DSCAM: variants seen among roughly 807,000 people sequenced by gnomAD.
DSCAM encodes DS cell adhesion molecule.
A neutral mutation model predicts 217.7 loss-of-function variants in DSCAM; 47 were observed. The ratio of observed to expected loss-of-function variants is 0.22; its 90% CI spans 0.17 to 0.28. The LOEUF (loss-of-function observed/expected upper bound fraction) is 0.28, where lower values mean the gene tolerates loss of function less well. Among genes scored for constraint, DSCAM ranks in the 10% least tolerant of loss-of-function variants. DSCAM has a pLI of 1.00. For missense variants in DSCAM, 2,080 were observed against 2,618.3 expected (o/e 0.79, Z 4.49); for synonymous variants, 1,056 against 1,015.3 (o/e 1.04, Z -0.76).
chr21:40,780,423 G>GTATATATATATATATATATATGTA (rs2091532137), intron 1 of DSCAM, among the ~76,000 whole-genome samples: 2 of 56,436 alleles, frequency 3.5e-5, no homozygotes, highest in African/African-American at 1.5e-4. Context: ...GTGTGTGTGT[G>GTATATATATATATATATATATGTA]TATATATATA....
intron 3 of DSCAM, among the ~76,000 whole-genome samples, chr21:40,559,786 C>G (rs148877267): frequency 9.1e-6 from 1 of 109,410 alleles, no homozygotes; most frequent in Admixed American, 1.0e-4. Context: ...AATTTTCTGT[C>G]TTTTTTTTTT....
chr21:40,385,693 C>T (rs2075077422), intron 3 of DSCAM, among the ~76,000 whole-genome samples: 1 of 152,134 alleles, frequency 6.6e-6, no homozygotes. Context: ...CTCACATGAC[C>T]ACTGCAGACA....
chr21:40,766,122 G>T (rs2091386074), intron 1 of DSCAM, among the ~76,000 whole-genome samples: 1 of 152,072 alleles, frequency 6.6e-6, no homozygotes, highest in Non-Finnish European at 1.5e-5. Flanking sequence ...CCTCCTCTCA[G>T]CTCCGTCAAC....
chr21:40,824,973 G>T (rs1331606874), intron 1 of DSCAM, among the ~76,000 whole-genome samples: 2 of 152,206 alleles, frequency 1.3e-5, no homozygotes, highest in Non-Finnish European at 2.9e-5. Context: ...AGCTTTCTCT[G>T]TATGTCCGAC....
intron 19 of DSCAM, among the ~76,000 whole-genome samples, chr21:40,132,304 C>T (rs1414543526): frequency 1.3e-5 from 2 of 152,182 alleles, no homozygotes; most frequent in Admixed American, 6.5e-5. Flanking sequence ...AGTTCAGAGA[C>T]ACTTAGGTAA....
intron 1 of DSCAM, among the ~76,000 whole-genome samples, chr21:40,731,848 C>T (rs992377335): frequency 1.7e-4 from 26 of 151,602 alleles, no homozygotes; most frequent in Admixed American, 3.9e-4. Context: ...CCTGCCTCAG[C>T]CTCCTGAGCA....
chr21:40,825,095 G>A (rs534415781), intron 1 of DSCAM, among the ~76,000 whole-genome samples: 10 of 152,026 alleles, frequency 6.6e-5, no homozygotes, highest in East Asian at 1.9e-4. Context: ...TTGCACAGTC[G>A]TTAATATAGT....
At chr21:40,519,166 T>C (rs2076338919) in intron 3 of DSCAM, among the ~76,000 whole-genome samples, 1 of 152,162 alleles carries the variant, frequency 6.6e-6, no homozygotes, top group African/African-American at 2.4e-5. Context: ...TAGCCCTTTA[T>C]TTTACTCTTC....
intron 3 of DSCAM, among the ~76,000 whole-genome samples, chr21:40,379,682 C>T (rs1055948363): frequency 6.6e-6 from 1 of 152,148 alleles, no homozygotes; most frequent in Admixed American, 6.5e-5. Context: ...TCTCTGAAGA[C>T]AAAGGGATCC....
chr21:40,395,030 T>C (rs1466066296), intron 3 of DSCAM, among the ~76,000 whole-genome samples: 5 of 152,214 alleles, frequency 3.3e-5, no homozygotes, highest in Admixed American at 2.0e-4. Context: ...TCAAACAATG[T>C]CGTTTGATAC....
intron 19 of DSCAM, among the ~76,000 whole-genome samples, chr21:40,131,607 T>C (rs2090155124): frequency 6.6e-6 from 1 of 152,290 alleles, no homozygotes; most frequent in African/African-American, 2.4e-5. Flanking sequence ...GCATTTTTAG[T>C]AGAGACAGGG....
intron 1 of DSCAM, among the ~76,000 whole-genome samples, chr21:40,812,821 G>GA (rs2091850350): frequency 6.6e-6 from 1 of 152,138 alleles, no homozygotes; most frequent in South Asian, 2.1e-4. Context: ...ACAGAGACTA[G>GA]AAAAATAAAA....
intron 11 of DSCAM, among the ~76,000 whole-genome samples, chr21:40,250,769 G>A (rs1601484958): frequency 1.3e-5 from 2 of 152,322 alleles, no homozygotes; most frequent in East Asian, 3.9e-4. Context: ...TTACTGACAT[G>A]TTCATGTTCA....
At chr21:40,759,984 TTTATTTA>T in intron 1 of DSCAM, among the ~76,000 whole-genome samples, 1 of 149,396 alleles carries the variant, frequency 6.7e-6, no homozygotes, top group Non-Finnish European at 1.5e-5. Flanking sequence ...TATTTATTTA[TTTATTTA>T]TTTATTTATT....
At chr21:40,050,072 AC>A (rs1447688804) in intron 30 of DSCAM, among the ~76,000 whole-genome samples, 3 of 152,054 alleles carry the variant, frequency 2.0e-5, no homozygotes, top group Non-Finnish European at 2.9e-5. Flanking sequence ...AACATTTCTA[AC>A]CCTTGGGGCA....
intron 3 of DSCAM, among the ~76,000 whole-genome samples, chr21:40,553,476 A>G (rs1357053580): frequency 6.6e-6 from 1 of 152,264 alleles, no homozygotes; most frequent in Non-Finnish European, 1.5e-5. Context: ...TGTACAGGAC[A>G]CATCCCAAGG....
chr21:40,614,564 C>T (rs1386559771), intron 3 of DSCAM, among the ~76,000 whole-genome samples: 6 of 152,042 alleles, frequency 3.9e-5, no homozygotes, highest in Non-Finnish European at 5.9e-5. Flanking sequence ...AAAATGTGCT[C>T]ACTCTTTGGT....
At chr21:40,133,722 G>T in intron 19 of DSCAM, 132 bp downstream of exon 19, 1 of 1,043,974 alleles carries the variant, frequency 9.6e-7, no homozygotes, top group Non-Finnish European at 1.3e-6. Flanking sequence ...GAATTGCACT[G>T]GGATATTTTG....
intron 3 of DSCAM, among the ~76,000 whole-genome samples, chr21:40,444,232 G>A (rs529638225): frequency 1.2e-4 from 18 of 152,180 alleles, no homozygotes; most frequent in African/African-American, 4.3e-4. Context: ...ATTCCCTGAG[G>A]GTATGAGGTG....
Sources: allele counts gnomAD v4.1 joint callset (sites outside exome capture counted in the v4.1 genomes callset), GRCh38; gene constraint gnomAD v4.1.1; transcripts MANE v1.5; gene names NCBI Gene and HGNC (gene_info 2026-07-23, HGNC 2026-07-21).